Variants in EPHA7 observed in about 807,000 individuals in gnomAD.
EPHA7 encodes EPH receptor A7, also known as ephrin type-A receptor 7.
A neutral mutation model predicts 112.6 loss-of-function variants in EPHA7; 25 were observed. The observed-to-expected ratio is 0.22, with a 90% CI of 0.16 to 0.31. EPHA7 has a LOEUF of 0.31. EPHA7 is among the 10% of genes least tolerant of loss of function. The pLI, the probability that EPHA7 is intolerant of heterozygous loss-of-function variation, is 1.00. For synonymous variants in EPHA7, 437 were observed against 406.5 expected, an observed-to-expected ratio of 1.07 and a Z score of -0.90; for missense variants, 962 against 1,212.6, an observed-to-expected ratio of 0.79 and a Z score of 3.07.
intron 5 of EPHA7, among the ~76,000 whole-genome samples, chr6:93,350,651 T>C (rs164538): frequency 0.37 from 55,766 of 151,818 alleles, 11,469 homozygotes; most frequent in East Asian, 0.56. Flanking sequence ...AGTTGAGATG[T>C]CTCCACACCC....
At chr6:93,320,941 T>C (rs1206998302) in intron 5 of EPHA7, among the ~76,000 whole-genome samples, 3 of 151,912 alleles carry the variant, frequency 2.0e-5, no homozygotes, top group African/African-American at 7.2e-5. Flanking sequence ...TGTTATATAG[T>C]TAGCAAGATA....
rs530308821 is a variant in EPHA7, at chr6:93,246,224, G to A, written c.2726+568C>T. 2.6e-5 allele frequency among the ~76,000 whole-genome samples: 4 copies of A among 151,876 alleles called. No individual in the cohort carries two copies. In the East Asian group the frequency reaches 7.8e-4, roughly 30 times the overall value. On this transcript the variant is annotated intron_variant, in intron 15 of 16. Transcript: ENST00000369303. ...CCGCCACCACGCCCAGCTAATTTTT[G>A]TATTTTTAGTAGAGATGGGGTTTCA...
intron 5 of EPHA7, among the ~76,000 whole-genome samples, chr6:93,345,493 C>T (rs2127928166): frequency 6.6e-6 from 1 of 151,798 alleles, no homozygotes; most frequent in African/African-American, 2.4e-5. Context: ...ATCTGCTCTG[C>T]CTTGTCCCTG....
intron 5 of EPHA7, among the ~76,000 whole-genome samples, chr6:93,294,804 T>A (rs1232341878): frequency 6.6e-6 from 1 of 152,072 alleles, no homozygotes; most frequent in Non-Finnish European, 1.5e-5. Context: ...TAAGTCACAA[T>A]GTTGGAGGGT....
intron 5 of EPHA7, among the ~76,000 whole-genome samples, chr6:93,333,100 T>A (rs920138913): frequency 1.2e-4 from 18 of 151,860 alleles, no homozygotes; most frequent in Non-Finnish European, 1.2e-4. Flanking sequence ...CTGTACTCAG[T>A]GTTCAGCTTC....
rs762080033 is a variant in EPHA7 at position 93,263,857 on chromosome 6, T to C, written c.1798+3A>G. ...TCATAATAAAGAAAAGCCAAACACT[T>C]ACAATGAAAGTAAAGCTCTTCATCG... On this transcript the variant is annotated splice_donor_region_variant and intron_variant, in intron 9 of 16. Transcript: ENST00000369303. 7 of 1,608,718 alleles carry C rather than the reference T, an allele frequency of 4.4e-6. No individual in the cohort carries two copies. The highest frequency in any genetic ancestry group is 5.9e-6 in the Non-Finnish European group (7 of 1,176,612).
At chr6:93,385,772 C>T (rs932210902) in intron 3 of EPHA7, among the ~76,000 whole-genome samples, 5 of 152,080 alleles carry the variant, frequency 3.3e-5, no homozygotes, top group African/African-American at 1.2e-4. Flanking sequence ...TTTCATACTG[C>T]TGTGAAGAAA....
At position 93,383,957 on chromosome 6, in the gene EPHA7, G is replaced by C. The variant is rs147677384; in HGVS notation, c.833-25546C>G. Among the ~76,000 whole-genome samples, 210 of 152,218 alleles carry C rather than the reference G, an allele frequency of 1.4e-3. 4 individuals carry two copies. In the Middle Eastern group the frequency reaches 0.017, roughly 12 times the overall value. On this transcript the variant is annotated intron_variant, in intron 3 of 16. Coordinates refer to ENST00000369303, the MANE Select transcript of EPHA7 (RefSeq NM_004440.4). ...CCTGCCTCAGCCCCGCAAAGTGCTG[G>C]TATTACAGATATGAGCAACCATGCA... is the stretch of plus-strand genomic sequence containing the variant.
At chr6:93,385,581 C>T (rs902562767) in intron 3 of EPHA7, among the ~76,000 whole-genome samples, 5 of 151,894 alleles carry the variant, frequency 3.3e-5, no homozygotes, top group Admixed American at 2.0e-4. Flanking sequence ...AGTACTTGCA[C>T]CCCACTTATT....
intron 5 of EPHA7, among the ~76,000 whole-genome samples, chr6:93,311,889 C>G (rs912676867): frequency 2.0e-5 from 3 of 152,108 alleles, no homozygotes; most frequent in Non-Finnish European, 4.4e-5. Flanking sequence ...TAATATTAAT[C>G]TCCTGTATCT....
intron 3 of EPHA7, among the ~76,000 whole-genome samples, chr6:93,396,733 A>G (rs1722180491): frequency 6.6e-6 from 1 of 151,888 alleles, no homozygotes; most frequent in Non-Finnish European, 1.5e-5. Flanking sequence ...AAATTATTCC[A>G]TACAAAATAT....
At position 93,241,609 on chromosome 6, in the gene EPHA7, T is replaced by C. The variant is rs946770493; in HGVS notation, c.*1817A>G. On this transcript the variant is annotated 3_prime_UTR_variant, in exon 17 of 17. Transcript: ENST00000369303. ...TAAATTAAAATATCAAATAACACTGTACAGTGATTTAAAACCAAAAAAAAA... is the reference window on the plus strand; with the variant it reads ...TAAATTAAAATATCAAATAACACTGCACAGTGATTTAAAACCAAAAAAAAA... The C allele has an allele frequency of 1.4e-5, 3 of 216,070 alleles. No homozygotes were observed. Among genetic ancestry groups the C allele is most frequent in the African/African-American group, 6.8e-5 (3 of 44,056 alleles). 13.4% of individuals were successfully genotyped at this position (216,070 alleles called of 1,614,324 possible). A position where few individuals can be genotyped will look rare whatever the true frequency, so the allele number is the denominator to read the frequency against.
chr6:93,395,476 A>T (rs1038067363), intron 3 of EPHA7, among the ~76,000 whole-genome samples: 1 of 151,792 alleles, frequency 6.6e-6, no homozygotes, highest in Admixed American at 6.6e-5. Flanking sequence ...TGTAAACAAA[A>T]ATAATACAAA....
At chr6:93,352,128 A>G (rs1775724930) in intron 5 of EPHA7, among the ~76,000 whole-genome samples, 1 of 152,138 alleles carries the variant, frequency 6.6e-6, no homozygotes, top group Non-Finnish European at 1.5e-5. Flanking sequence ...AAAAGACTGT[A>G]TTTGATGGTG....
chr6:93,285,006 TAC>T (rs944630811), intron 5 of EPHA7, among the ~76,000 whole-genome samples: 3 of 152,090 alleles, frequency 2.0e-5, no homozygotes, highest in Admixed American at 6.5e-5. Context: ...TAAAAAAAAG[TAC>T]AGTTAAAAAA....
chr6:93,333,273 T>C (rs956747319), intron 5 of EPHA7, among the ~76,000 whole-genome samples: 2 of 151,902 alleles, frequency 1.3e-5, no homozygotes, highest in African/African-American at 4.8e-5. Flanking sequence ...ATTTTCTCCA[T>C]GCAGTCTCTA....
chr6:93,283,890 C>T (rs1771915177), intron 5 of EPHA7, among the ~76,000 whole-genome samples: 1 of 152,122 alleles, frequency 6.6e-6, no homozygotes, highest in East Asian at 1.9e-4. Flanking sequence ...ATATAATATG[C>T]ATCTACTAAT....
At chr6:93,347,994 T>C (rs16871208) in intron 5 of EPHA7, among the ~76,000 whole-genome samples, 6,607 of 151,886 alleles carry the variant, frequency 0.043, 168 homozygotes, top group African/African-American at 0.055. Flanking sequence ...GAGACGCAAC[T>C]TAAAACACTC....
At chr6:93,323,102 A>C (rs1051885927) in intron 5 of EPHA7, among the ~76,000 whole-genome samples, 2 of 151,676 alleles carry the variant, frequency 1.3e-5, no homozygotes, top group African/African-American at 2.4e-5. Flanking sequence ...TCAAATGCAT[A>C]ACATAGAATT....
Sources: allele counts gnomAD v4.1 joint callset (sites outside exome capture counted in the v4.1 genomes callset), GRCh38; gene constraint gnomAD v4.1.1; transcripts MANE v1.5; gene names NCBI Gene and HGNC (gene_info 2026-07-23, HGNC 2026-07-21).